The following MIPOL1 variants were observed in gnomAD, a reference collection of about 807,000 sequenced individuals.
The protein encoded by MIPOL1 is mirror-image polydactyly gene 1 protein.
A neutral mutation model predicts 60.9 loss-of-function variants in MIPOL1; 57 were observed. The ratio of observed to expected loss-of-function variants is 0.94; its 90% CI spans 0.76 to 1.17. The LOEUF (loss-of-function observed/expected upper bound fraction) is 1.17, where lower values mean the gene tolerates loss of function less well. Among genes scored for constraint, MIPOL1 ranks in the 50% most tolerant of loss-of-function variants. The pLI, the probability that MIPOL1 is intolerant of heterozygous loss-of-function variation, is 0.00. For synonymous variants in MIPOL1, 179 were observed against 168.8 expected (o/e 1.06, Z -0.47); for missense variants, 551 against 511.6 (o/e 1.08, Z -0.74).
chr14:37,434,553 A>G (rs951714381), intron 11 of MIPOL1: 3 of 151,860 alleles, frequency 2.0e-5, no homozygotes, highest in Non-Finnish European at 2.9e-5. Context: ...TAATTTTAGT[A>G]TATGTACCCA....
At chr14:37,494,353 A>G (rs563298640) in intron 11 of MIPOL1, among the ~76,000 whole-genome samples, 2 of 152,330 alleles carry the variant, frequency 1.3e-5, no homozygotes, top group Admixed American at 1.3e-4. Flanking sequence ...AACAAAGAGG[A>G]AAATCAAGAT....
chr14:37,494,015 A>G (rs1240977536), intron 11 of MIPOL1, among the ~76,000 whole-genome samples: 2 of 152,208 alleles, frequency 1.3e-5, no homozygotes, highest in Non-Finnish European at 2.9e-5. Flanking sequence ...AGAAAGCTAA[A>G]CAAGCGGGCC....
chr14:37,310,408 C>T (rs1308899549), intron 9 of MIPOL1, among the ~76,000 whole-genome samples: 2 of 152,088 alleles, frequency 1.3e-5, no homozygotes, highest in African/African-American at 4.8e-5. Flanking sequence ...TCTCACCTCT[C>T]CTCCCAGTTA....
intron 6 of MIPOL1, among the ~76,000 whole-genome samples, chr14:37,272,091 TAAC>T (rs1439577144): frequency 5.9e-5 from 9 of 151,306 alleles, no homozygotes; most frequent in Admixed American, 5.3e-4. Flanking sequence ...TTCTCATTAA[TAAC>T]AAAATATTAT....
chr14:37,470,339 G>A (rs941307994), intron 11 of MIPOL1, among the ~76,000 whole-genome samples: 5 of 152,002 alleles, frequency 3.3e-5, no homozygotes, highest in Non-Finnish European at 7.4e-5. Flanking sequence ...TTGTGTCCCC[G>A]CCCAAATCTC....
chr14:37,528,916 G>C (rs1353428356), intron 12 of MIPOL1, among the ~76,000 whole-genome samples: 1 of 152,156 alleles, frequency 6.6e-6, no homozygotes, highest in African/African-American at 2.4e-5. Flanking sequence ...AGAATAGTCA[G>C]TCATCCTCTG....
At chr14:37,389,383 A>G (rs941124366) in intron 10 of MIPOL1, among the ~76,000 whole-genome samples, 1 of 152,122 alleles carries the variant, frequency 6.6e-6, no homozygotes, top group Non-Finnish European at 1.5e-5. Context: ...GTTAACATGT[A>G]TGTGTAGATA....
At chr14:37,407,877 T>A (rs2093618685) in intron 10 of MIPOL1, among the ~76,000 whole-genome samples, 1 of 110,112 alleles carries the variant, frequency 9.1e-6, no homozygotes, top group Non-Finnish European at 1.7e-5. Flanking sequence ...GGAGACAAGG[T>A]CTCACTCTGT....
At chr14:37,227,060 T>C (rs1969868997) in intron 1 of MIPOL1, among the ~76,000 whole-genome samples, 2 of 152,154 alleles carry the variant, frequency 1.3e-5, no homozygotes, top group African/African-American at 4.8e-5. Context: ...ATGTATTAGT[T>C]TCCTACTGCT....
chr14:37,480,487 A>C (rs1334622010), intron 11 of MIPOL1, among the ~76,000 whole-genome samples: 1 of 152,002 alleles, frequency 6.6e-6, no homozygotes, highest in East Asian at 1.9e-4. Flanking sequence ...AAAACATTTG[A>C]CAAAATTCAA....
chr14:37,447,069 T>C (rs1594373697), intron 11 of MIPOL1, among the ~76,000 whole-genome samples: 1 of 151,582 alleles, frequency 6.6e-6, no homozygotes, highest in East Asian at 1.9e-4. Context: ...AAACTTAAAG[T>C]ATAATAATAA....
intron 10 of MIPOL1, among the ~76,000 whole-genome samples, chr14:37,417,625 CCTT>C (rs2093795028): frequency 6.6e-6 from 1 of 152,066 alleles, no homozygotes; most frequent in African/African-American, 2.4e-5. Flanking sequence ...AGGTTCTTAA[CCTT>C]CTTCTGAGGT....
chr14:37,500,224 A>G, intron 12 of MIPOL1, 86 bp downstream of exon 12: 1 of 913,460 alleles, frequency 1.1e-6, no homozygotes. Context: ...ATATGTAGTT[A>G]TTGATCATGT....
chr14:37,493,459 C>T (rs2095074340), intron 11 of MIPOL1, among the ~76,000 whole-genome samples: 1 of 152,004 alleles, frequency 6.6e-6, no homozygotes, highest in Admixed American at 6.6e-5. Context: ...AGACAGAAAC[C>T]ACTTCAGACA....
chr14:37,520,367 C>A (rs1462353426), intron 12 of MIPOL1, among the ~76,000 whole-genome samples: 2 of 152,080 alleles, frequency 1.3e-5, no homozygotes, highest in Admixed American at 6.5e-5. Context: ...AGGAACGAAT[C>A]CTACATTTTA....
Position 37,548,602 on chromosome 14 carries a change from A to G in MIPOL1, c.*1631A>G, listed in dbSNP as rs1428114634. ...TATTTGAAACGTGTAACAGCTCCCT[A>G]TGTGAAGAAACATTATCTTTAAAGT... On this transcript the variant is annotated 3_prime_UTR_variant, in exon 13 of 13. Coordinates refer to ENST00000684589, the MANE Select transcript of MIPOL1 (RefSeq NM_001388067.1). 2 of 151,972 alleles carry G rather than the reference A, an allele frequency of 1.3e-5. No homozygotes were observed. The highest frequency in any genetic ancestry group is 2.4e-5 in the African/African-American group (1 of 41,444). The allele number at this position is 151,972 out of a possible 1,614,324, so 9.4% of individuals were successfully genotyped here.
chr14:37,244,104 C>CT (rs143933758), intron 1 of MIPOL1, among the ~76,000 whole-genome samples: 1,302 of 51,530 alleles, frequency 0.025, 551 homozygotes, highest in Middle Eastern at 0.043. Flanking sequence ...GACTCACTTC[C>CT]TTTTTTTTTT....
chr14:37,458,634 C>G (rs1235344752), intron 11 of MIPOL1, among the ~76,000 whole-genome samples: 3 of 151,888 alleles, frequency 2.0e-5, no homozygotes, highest in Non-Finnish European at 4.4e-5. Context: ...GCCTGGCAAA[C>G]ATGGGGAAAC....
At position 37,235,463 on chromosome 14, in the gene MIPOL1, C is replaced by T. The variant is rs140269725; in HGVS notation, c.-198-11640C>T. Among the ~76,000 whole-genome samples, 287 of 152,234 alleles carry T rather than the reference C, an allele frequency of 1.9e-3. 2 individuals are homozygous for T. Among genetic ancestry groups the T allele is most frequent in the African/African-American group, 6.6e-3 (276 of 41,558 alleles). On this transcript the variant is annotated intron_variant, in intron 1 of 12. Transcript: ENST00000684589. ...GTTTGAGCCCATCTTCAAGGAATTA[C>T]TATTGACTTTGTATGGGTGTGTGGT... is the stretch of plus-strand genomic sequence containing the variant.
Sources: gnomAD v4.1 joint callset for allele counts (sites outside exome capture counted in the v4.1 genomes callset) on GRCh38, gnomAD v4.1.1 for gene constraint, MANE v1.5 for transcripts, NCBI Gene and HGNC (gene_info 2026-07-23, HGNC 2026-07-21) for gene names.